The following TYW1 variants were observed in gnomAD, a reference collection of about 807,000 sequenced individuals.
The protein encoded by TYW1 is tRNA-yW synthesizing protein 1 homolog.
Under a neutral mutation model 96.2 loss-of-function variants are expected in TYW1, and 46 were observed. That is an observed-to-expected ratio of 0.48 (90% confidence interval 0.38 to 0.61). TYW1 has a LOEUF of 0.61. TYW1 is among the 20% of genes least tolerant of loss of function. The pLI, the probability that TYW1 is intolerant of heterozygous loss-of-function variation, is 0.00. For missense variants in TYW1, 684 were observed against 909.6 expected, an observed-to-expected ratio of 0.75 and a Z score of 3.19; for synonymous variants, 274 against 323.0, an observed-to-expected ratio of 0.85 and a Z score of 1.63.
At chr7:67,085,088 C>T (rs1374641588) in intron 11 of TYW1, among the ~76,000 whole-genome samples, 3 of 152,102 alleles carry the variant, frequency 2.0e-5, no homozygotes, top group Non-Finnish European at 2.9e-5. Flanking sequence ...GTATTAATAG[C>T]GCATATGGGA....
At chr7:67,133,096 A>G (rs1798134351) in intron 13 of TYW1, among the ~76,000 whole-genome samples, 1 of 151,968 alleles carries the variant, frequency 6.6e-6, no homozygotes, top group South Asian at 2.1e-4. Context: ...TTAAATTTCT[A>G]TTTTCTATCC....
intron 15 of TYW1, among the ~76,000 whole-genome samples, chr7:67,220,200 G>GGTTTTT (rs1563077173): frequency 1.2e-5 from 1 of 84,730 alleles, no homozygotes; most frequent in Non-Finnish European, 2.4e-5. Context: ...TTCATTTATT[G>GGTTTTT]ATTTTTTTTT....
At chr7:67,229,594 C>T (rs1203696903) in intron 15 of TYW1, among the ~76,000 whole-genome samples, 1 of 150,904 alleles carries the variant, frequency 6.6e-6, no homozygotes, top group Non-Finnish European at 1.5e-5. Flanking sequence ...ATAAGTTAAA[C>T]AAAGGGAGTT....
At chr7:67,162,328 A>T (rs1799188506) in intron 13 of TYW1, among the ~76,000 whole-genome samples, 2 of 134,240 alleles carry the variant, frequency 1.5e-5, no homozygotes, top group African/African-American at 5.7e-5. Flanking sequence ...AAAAAAAAAA[A>T]AAAAAAAATT....
chr7:67,013,799 A>G (rs1584462722), intron 4 of TYW1, among the ~76,000 whole-genome samples: 4 of 129,572 alleles, frequency 3.1e-5, no homozygotes, highest in East Asian at 4.9e-4. Context: ...GCTGGAGTGC[A>G]GTGACGTGAT....
chr7:67,021,945 T>C (rs547557487), intron 6 of TYW1, among the ~76,000 whole-genome samples: 11 of 152,358 alleles, frequency 7.2e-5, no homozygotes, highest in Non-Finnish European at 1.5e-4. Context: ...AGACAGGGGC[T>C]GGTCTGTTCC....
At chr7:67,001,799 G>A (rs1584448614) in intron 3 of TYW1, among the ~76,000 whole-genome samples, 1 of 151,692 alleles carries the variant, frequency 6.6e-6, no homozygotes, top group Admixed American at 6.6e-5. Flanking sequence ...TTGGGAGGCC[G>A]AGGTGGGCAG....
chr7:67,039,090 T>G (rs887576727), intron 7 of TYW1, among the ~76,000 whole-genome samples: 15 of 152,186 alleles, frequency 9.9e-5, no homozygotes, highest in African/African-American at 3.6e-4. Flanking sequence ...AACTTGTACT[T>G]CCATGTGGCC....
At chr7:67,116,655 C>T (rs1267407573) in intron 12 of TYW1, among the ~76,000 whole-genome samples, 1 of 152,044 alleles carries the variant, frequency 6.6e-6, no homozygotes, top group African/African-American at 2.4e-5. Context: ...TGCCACTGCA[C>T]TCCAGCCTGG....
Position 67,083,477 on chromosome 7 carries a change from A to G in TYW1, c.1322A>G (p.Gln441Arg), listed in dbSNP as rs1197828873. 6.2e-7 allele frequency: 1 copy of G among 1,614,214 alleles called. No homozygotes were observed. The highest frequency in any genetic ancestry group is 8.5e-7 in the Non-Finnish European group (1 of 1,180,024). ...VGTEWRWKMD[Q>R]PEMILKEAIE... ...ACTGAGTGGCGGTGGAAGATGGACCAGCCTGAAATGATCTTGAAGGAAGCC... is the reference window on the plus strand; with the variant it reads ...ACTGAGTGGCGGTGGAAGATGGACCGGCCTGAAATGATCTTGAAGGAAGCC... Residue 441 changes from glutamine (Q) to arginine (R), a missense_variant, in exon 11 of 16, where the codon CAG becomes CGG. Transcript: ENST00000359626.
At chr7:67,011,556 G>T (rs1036492559) in intron 4 of TYW1, among the ~76,000 whole-genome samples, 1 of 152,144 alleles carries the variant, frequency 6.6e-6, no homozygotes, top group Non-Finnish European at 1.5e-5. Context: ...AGTGCTCCTG[G>T]TGATGCTGAC....
chr7:67,210,511 G>A (rs1800964249), intron 15 of TYW1, among the ~76,000 whole-genome samples: 1 of 152,204 alleles, frequency 6.6e-6, no homozygotes, highest in Non-Finnish European at 1.5e-5. Context: ...GGGGCGTAGT[G>A]TTAGGCTCCC....
At position 67,173,867 on chromosome 7, in the gene TYW1, T is replaced by G. The variant is rs1024502528; in HGVS notation, c.1699-9259T>G. 2.2e-5 allele frequency among the ~76,000 whole-genome samples: 3 copies of G among 139,430 alleles called. No individual in the cohort carries two copies. In the East Asian group the frequency reaches 5.8e-4, roughly 27 times the overall value. 91.5% of individuals were successfully genotyped at this position (139,430 alleles called of 152,430 possible). ...GAATGGTGTCATATGCTTTTTGGCA[T>G]CTATTGATATGATCACGTGATTTTC... On this transcript the variant is annotated intron_variant, in intron 13 of 15. Coordinates refer to ENST00000359626, the MANE Select transcript of TYW1 (RefSeq NM_018264.4).
chr7:67,058,810 T>G (rs4718447), intron 9 of TYW1, among the ~76,000 whole-genome samples: 9,319 of 152,090 alleles, frequency 0.061, 403 homozygotes, highest in Non-Finnish European at 0.076. Context: ...TTTGGGCCTG[T>G]GATTCGTCTT....
intron 9 of TYW1, among the ~76,000 whole-genome samples, chr7:67,065,785 C>T (rs553985562): frequency 4.0e-5 from 6 of 151,816 alleles, no homozygotes; most frequent in South Asian, 4.2e-4. Context: ...TCGAGGTGGG[C>T]GGATCACTTG....
intron 13 of TYW1, among the ~76,000 whole-genome samples, chr7:67,179,193 G>A (rs1261170209): frequency 7.4e-6 from 1 of 135,632 alleles, no homozygotes; most frequent in East Asian, 2.0e-4. Flanking sequence ...ATAAAGGGAT[G>A]TGTTATTTAG....
chr7:67,111,006 A>C (rs1797389380), intron 12 of TYW1, among the ~76,000 whole-genome samples: 1 of 152,104 alleles, frequency 6.6e-6, no homozygotes, highest in South Asian at 2.1e-4. Context: ...CCTTGTCGCA[A>C]AAAATAAATA....
chr7:67,103,848 A>G (rs530985069), intron 12 of TYW1, among the ~76,000 whole-genome samples: 112 of 152,308 alleles, frequency 7.4e-4, no homozygotes, highest in African/African-American at 2.5e-3. Flanking sequence ...TCTTGCAGCC[A>G]TGTCATCTTT....
At chr7:67,058,125 A>G (rs1448374849) in intron 9 of TYW1, among the ~76,000 whole-genome samples, 3 of 152,024 alleles carry the variant, frequency 2.0e-5, no homozygotes, top group Admixed American at 6.6e-5. Flanking sequence ...TAGTAGAGAC[A>G]GGGTTTCACC....
Sources: allele counts gnomAD v4.1 joint callset (sites outside exome capture counted in the v4.1 genomes callset), GRCh38; gene constraint gnomAD v4.1.1; transcripts MANE v1.5; gene names NCBI Gene and HGNC (gene_info 2026-07-23, HGNC 2026-07-21).